Variants in TBC1D9 observed in about 807,000 individuals in gnomAD.
TBC1D9 encodes the protein TBC1 domain family member 9A.
In TBC1D9, 63 loss-of-function variants were observed where a neutral mutation model predicts 132.0. The observed-to-expected ratio is 0.48, with a 90% CI of 0.39 to 0.59. The LOEUF (loss-of-function observed/expected upper bound fraction) is 0.59, where lower values mean the gene tolerates loss of function less well. Among genes scored for constraint, TBC1D9 ranks in the 20% least tolerant of loss-of-function variants. The pLI, the probability that TBC1D9 is intolerant of heterozygous loss-of-function variation, is 0.00. For missense variants in TBC1D9, 1,261 were observed against 1,592.7 expected, an observed-to-expected ratio of 0.79 and a Z score of 3.54; for synonymous variants, 610 against 609.9, an observed-to-expected ratio of 1.00 and a Z score of 0.00.
At chr4:140,744,899 A>G (rs1481114551) in intron 1 of TBC1D9, among the ~76,000 whole-genome samples, 1 of 151,210 alleles carries the variant, frequency 6.6e-6, no homozygotes, top group East Asian at 1.9e-4. Flanking sequence ...AAAAAAAAAA[A>G]AAAAAGAATC....
intron 13 of TBC1D9, among the ~76,000 whole-genome samples, chr4:140,649,922 C>T (rs1184813823): frequency 1.3e-5 from 2 of 152,060 alleles, no homozygotes; most frequent in Non-Finnish European, 2.9e-5. Flanking sequence ...CAGAAGTGGG[C>T]CCATATTTTA....
At chr4:140,735,312 AG>A (rs201148414) in intron 1 of TBC1D9, among the ~76,000 whole-genome samples, 54 of 152,128 alleles carry the variant, frequency 3.5e-4, no homozygotes, top group African/African-American at 1.3e-3. Flanking sequence ...GAGTGGAAAA[AG>A]AAAAGTATTT....
intron 1 of TBC1D9, among the ~76,000 whole-genome samples, chr4:140,717,251 T>C (rs1246447848): frequency 3.3e-5 from 5 of 152,146 alleles, no homozygotes; most frequent in Non-Finnish European, 5.9e-5. Flanking sequence ...TGCCCAACTT[T>C]CCTGTCTTGT....
At chr4:140,695,830 A>G (rs996879523) in intron 2 of TBC1D9, among the ~76,000 whole-genome samples, 1 of 152,174 alleles carries the variant, frequency 6.6e-6, no homozygotes, top group African/African-American at 2.4e-5. Flanking sequence ...TTTTACTCCA[A>G]TGTGAGCCCC....
At chr4:140,752,804 G>A (rs1048002331) in intron 1 of TBC1D9, among the ~76,000 whole-genome samples, 1 of 152,118 alleles carries the variant, frequency 6.6e-6, no homozygotes, top group African/African-American at 2.4e-5. Context: ...TTGACCCACT[G>A]TTTTTTATAG....
chr4:140,732,170 T>C (rs1162796571), intron 1 of TBC1D9, among the ~76,000 whole-genome samples: 1 of 152,032 alleles, frequency 6.6e-6, no homozygotes, highest in African/African-American at 2.4e-5. Flanking sequence ...TTCAAAGGAG[T>C]ATTGATAAAC....
In TBC1D9 at chr4:140,639,000, T is replaced by A. The variant is rs1481793152; in HGVS notation, c.2505+86A>T. On this transcript the variant is annotated intron_variant, in intron 15 of 20. Transcript: ENST00000442267. The stretch of plus-strand genomic sequence containing the variant: ...CTTCCTATTTATATTATCCCTTAAT[T>A]TAACAGAAAAATCAAGAACTAACTG... 7.2e-6 allele frequency: 7 copies of A among 973,530 alleles called. No individual in the cohort carries two copies. The East Asian group carries it at 1.8e-4, about 26-fold the overall frequency. The allele number at this position is 973,530 out of a possible 1,614,324, so 60.3% of individuals were successfully genotyped here. A position where few individuals can be genotyped will look rare whatever the true frequency, so the allele number is the denominator to read the frequency against.
At chr4:140,624,944 C>T (rs767799250) in intron 18 of TBC1D9, among the ~76,000 whole-genome samples, 21 of 151,970 alleles carry the variant, frequency 1.4e-4, no homozygotes, top group Admixed American at 3.3e-4. Flanking sequence ...CCCAGCTACT[C>T]GGGAGACTGA....
chr4:140,670,634 G>A (rs1737520042), intron 7 of TBC1D9, 86 bp downstream of exon 7: 1 of 1,131,348 alleles, frequency 8.8e-7, no homozygotes, highest in East Asian at 2.4e-5. Flanking sequence ...AAAGCTTGAA[G>A]ATCAAACAAA....
intron 9 of TBC1D9, 93 bp from the exon 10 acceptor site, chr4:140,662,200 C>T: frequency 9.7e-7 from 1 of 1,025,704 alleles, no homozygotes; most frequent in South Asian, 1.3e-5. Context: ...CTTTACTTTC[C>T]TACCTCTCAA....
chr4:140,754,412 A>G (rs1039432666), intron 1 of TBC1D9, among the ~76,000 whole-genome samples: 4 of 151,988 alleles, frequency 2.6e-5, no homozygotes. Flanking sequence ...TCAGGAGTTC[A>G]AGACCAGCCT....
rs750339862 is a variant in TBC1D9, at chr4:140,639,132, G to A, written c.2459C>T (p.Thr820Ile). ...RNVVRTIVTE[T>I]SFTIDELEEL... is the part of the protein sequence containing the mutation. ...TTCCAGCTCATCAATGGTAAAGGAA[G>A]TTTCTGTCACAATGGTTCGTACCTA... Residue 820 changes from threonine to isoleucine, a missense_variant, in exon 15 of 21, where the codon ACT becomes ATT. Transcript: ENST00000442267. 7.6e-6 allele frequency: 12 copies of A among 1,587,494 alleles called. No individual in the cohort carries two copies. The highest frequency in any genetic ancestry group is 4.0e-5 in the African/African-American group (3 of 74,520).
chr4:140,752,299 T>C (rs1738938316), intron 1 of TBC1D9, among the ~76,000 whole-genome samples: 1 of 152,120 alleles, frequency 6.6e-6, no homozygotes, highest in African/African-American at 2.4e-5. Context: ...TACACAAGGC[T>C]GAGCAAAAGA....
chr4:140,659,151 T>C (rs895156883), intron 11 of TBC1D9, among the ~76,000 whole-genome samples: 1 of 152,212 alleles, frequency 6.6e-6, no homozygotes, highest in African/African-American at 2.4e-5. Flanking sequence ...AAACCAGTCC[T>C]GAAAAATACC....
intron 15 of TBC1D9, 98 bp downstream of exon 15, chr4:140,638,988 T>C: frequency 1.2e-6 from 1 of 830,150 alleles, no homozygotes; most frequent in Non-Finnish European, 1.9e-6. Flanking sequence ...CCTATTTATA[T>C]TATCCCTTAA....
chr4:140,667,173 G>A (rs1737460742), intron 9 of TBC1D9, among the ~76,000 whole-genome samples: 1 of 152,174 alleles, frequency 6.6e-6, no homozygotes, highest in African/African-American at 2.4e-5. Context: ...TGGCCTTCAG[G>A]CGAACCCCAT....
chr4:140,638,510 A>G (rs866804577), intron 15 of TBC1D9, among the ~76,000 whole-genome samples: 5 of 144,568 alleles, frequency 3.5e-5, no homozygotes, highest in Non-Finnish European at 6.1e-5. Flanking sequence ...AAAAAAAAAG[A>G]AAAAAAAAAA....
At chr4:140,643,930 C>T in intron 13 of TBC1D9, 1 of 665,988 alleles carries the variant, frequency 1.5e-6, no homozygotes, top group South Asian at 1.5e-5. Context: ...GCGGGGCGCT[C>T]GTCCACATCC....
intron 4 of TBC1D9, 115 bp from the exon 5 acceptor site, chr4:140,679,318 CCAT>C (rs1737671311): frequency 8.8e-7 from 1 of 1,138,802 alleles, no homozygotes; most frequent in East Asian, 2.4e-5. Context: ...GTTTATAATA[CCAT>C]ATTTGTTTTG....
Sources: allele counts gnomAD v4.1 joint callset (sites outside exome capture counted in the v4.1 genomes callset), GRCh38; gene constraint gnomAD v4.1.1; transcripts MANE v1.5; gene names NCBI Gene and HGNC (gene_info 2026-07-23, HGNC 2026-07-21).